RBFOX1: variants seen among roughly 807,000 people sequenced by gnomAD.
RBFOX1 encodes RNA binding fox-1 homolog 1.
In RBFOX1, 8 loss-of-function variants were observed where a neutral mutation model predicts 57.7. The ratio of observed to expected loss-of-function variants is 0.14; its 90% CI spans 0.08 to 0.25. The LOEUF is 0.25. Ranked by LOEUF, RBFOX1 falls within the 10% of genes least tolerant of loss-of-function variation. The pLI is 1.00. For missense variants in RBFOX1, 611 were observed against 548.5 expected (o/e 1.11, Z -1.14); for synonymous variants, 326 against 222.4 (o/e 1.47, Z -4.15).
At chr16:6,904,626 AAAG>A (rs1489770193) in intron 3 of RBFOX1, among the ~76,000 whole-genome samples, 63 of 149,648 alleles carry the variant, frequency 4.2e-4, no homozygotes, top group African/African-American at 1.5e-3. Context: ...AAAAAAAAAA[AAAG>A]AAGAAGAAGA....
At chr16:6,264,124 G>C (rs866149249) in intron 1 of RBFOX1, among the ~76,000 whole-genome samples, 43 of 152,208 alleles carry the variant, frequency 2.8e-4, no homozygotes, top group Admixed American at 9.8e-4. Context: ...TTCTTCTACT[G>C]CCTGCCCATT....
intron 2 of RBFOX1, among the ~76,000 whole-genome samples, chr16:5,576,356 C>T (rs187898746): frequency 5.4e-4 from 82 of 152,202 alleles, no homozygotes; most frequent in Non-Finnish European, 1.0e-3. Context: ...TCCTTTTCTC[C>T]TTCAGTCCCT....
Position 7,215,745 on chromosome 16 carries a change from G to C in RBFOX1, c.27+163647G>C, listed in dbSNP as rs188023128. On this transcript the variant is annotated intron_variant, in intron 4 of 15. Coordinates refer to ENST00000550418, the MANE Select transcript of RBFOX1 (RefSeq NM_018723.4). Reference sequence around the variant, plus strand: ...TCTGGATTTTTTTTTTTTTTTTTGAGACGGAGTCTTGCTCTGTTGTCCAGG... The same window carrying C: ...TCTGGATTTTTTTTTTTTTTTTTGACACGGAGTCTTGCTCTGTTGTCCAGG... 3.8e-3 allele frequency among the ~76,000 whole-genome samples: 351 copies of C among 91,196 alleles called. 1 individual carries two copies. The Middle Eastern group carries it at 0.041, about 11-fold the overall frequency. The allele number at this position is 91,196 out of a possible 152,430, so 59.8% of individuals were successfully genotyped here. A position where few individuals can be genotyped will look rare whatever the true frequency, so the allele number is the denominator to read the frequency against.
At chr16:6,898,059 C>G (rs2067403297) in intron 3 of RBFOX1, among the ~76,000 whole-genome samples, 1 of 152,158 alleles carries the variant, frequency 6.6e-6, no homozygotes, top group Non-Finnish European at 1.5e-5. Flanking sequence ...TTATATAATG[C>G]CTGATACTTG....
Position 7,491,671 on chromosome 16 carries a change from C to T in RBFOX1, c.28-26476C>T, listed in dbSNP as rs574957453. Reference sequence around the variant, plus strand: ...TTTGAAACAGGGTCTTGCTCTGTCACCCAGGCTGGAGTGCAAGTACATGAT... The same window carrying T: ...TTTGAAACAGGGTCTTGCTCTGTCATCCAGGCTGGAGTGCAAGTACATGAT... On this transcript the variant is annotated intron_variant, in intron 4 of 15. Coordinates refer to ENST00000550418, the MANE Select transcript of RBFOX1 (RefSeq NM_018723.4). Among the ~76,000 whole-genome samples, 157 of 152,166 alleles carry T rather than the reference C, an allele frequency of 1.0e-3. 1 individual carries two copies. Among genetic ancestry groups the T allele is most frequent in the African/African-American group, 3.5e-3 (145 of 41,514 alleles).
intron 2 of RBFOX1, among the ~76,000 whole-genome samples, chr16:6,503,332 T>C (rs2095994234): frequency 6.6e-6 from 1 of 152,252 alleles, no homozygotes; most frequent in Admixed American, 6.5e-5. Flanking sequence ...AAGGAGATTG[T>C]AGAAGCCTGG....
chr16:7,653,399 G>A (rs2065522647), intron 11 of RBFOX1, among the ~76,000 whole-genome samples: 1 of 152,144 alleles, frequency 6.6e-6, no homozygotes, highest in Non-Finnish European at 1.5e-5. Flanking sequence ...CCAGCTACTT[G>A]GGAGGCTGAG....
intron 3 of RBFOX1, among the ~76,000 whole-genome samples, chr16:7,012,494 A>T (rs2093699106): frequency 6.6e-6 from 1 of 152,182 alleles, no homozygotes; most frequent in Non-Finnish European, 1.5e-5. Context: ...AAGCCATGTT[A>T]ATAACTGCCT....
chr16:5,796,557 C>G (rs2054885969), intron 3 of RBFOX1, among the ~76,000 whole-genome samples: 1 of 119,020 alleles, frequency 8.4e-6, no homozygotes, highest in Non-Finnish European at 1.7e-5. Context: ...CAGATGGTGT[C>G]TCCACACCCT....
intron 4 of RBFOX1, among the ~76,000 whole-genome samples, chr16:7,247,075 A>G (rs2094331804): frequency 6.6e-6 from 1 of 152,132 alleles, no homozygotes; most frequent in South Asian, 2.1e-4. Flanking sequence ...GGGGTCCTTG[A>G]TTTAGGCTGC....
In RBFOX1 at chr16:5,414,083, A is replaced by G. The variant is rs572099981; in HGVS notation, c.220-53133A>G. ...GTGGCCTCTTCTTTGGGGCTGTACAACACTCAATGATGAGATAAAGGGGAC... is the reference window on the plus strand; with the variant it reads ...GTGGCCTCTTCTTTGGGGCTGTACAGCACTCAATGATGAGATAAAGGGGAC... On this transcript the variant is annotated intron_variant, in intron 1 of 2. Transcript: ENST00000585867. Among the ~76,000 whole-genome samples the G allele has an allele frequency of 3.6e-4, 55 of 152,324 alleles. No homozygotes were observed. The South Asian group carries it at 0.011, about 29-fold the overall frequency.
chr16:7,343,731 G>A (rs993345299), intron 4 of RBFOX1, among the ~76,000 whole-genome samples: 1 of 152,114 alleles, frequency 6.6e-6, no homozygotes, highest in African/African-American at 2.4e-5. Context: ...GTGAGCTCTA[G>A]AGCAGACTGC....
chr16:5,384,694 A>T (rs1206781708), intron 1 of RBFOX1, among the ~76,000 whole-genome samples: 1 of 152,236 alleles, frequency 6.6e-6, no homozygotes, highest in Non-Finnish European at 1.5e-5. Flanking sequence ...GGTCACAGGA[A>T]AATAGCTTCA....
chr16:5,625,698 C>T (rs1054263731), intron 3 of RBFOX1, among the ~76,000 whole-genome samples: 1 of 151,540 alleles, frequency 6.6e-6, no homozygotes, highest in African/African-American at 2.4e-5. Context: ...GCTGGGACTA[C>T]AGGTGCCCAC....
At chr16:6,969,016 A>G (rs2084920055) in intron 3 of RBFOX1, among the ~76,000 whole-genome samples, 1 of 151,916 alleles carries the variant, frequency 6.6e-6, no homozygotes, top group African/African-American at 2.4e-5. Flanking sequence ...GAATGTTAGA[A>G]TCTCCCACTT....
intron 4 of RBFOX1, among the ~76,000 whole-genome samples, chr16:5,882,727 C>G (rs972656354): frequency 1.3e-5 from 2 of 152,142 alleles, no homozygotes; most frequent in Non-Finnish European, 2.9e-5. Flanking sequence ...GCCCCATGTG[C>G]CAGTGTTGTC....
At chr16:6,005,168 G>T (rs554740956) in intron 4 of RBFOX1, among the ~76,000 whole-genome samples, 12 of 152,292 alleles carry the variant, frequency 7.9e-5, no homozygotes, top group African/African-American at 2.6e-4. Context: ...AAAGTCACAT[G>T]ACTTCAAATG....
intron 1 of RBFOX1, among the ~76,000 whole-genome samples, chr16:6,264,746 T>C: frequency 6.6e-6 from 1 of 152,198 alleles, no homozygotes; most frequent in East Asian, 1.9e-4. Context: ...TGCTCAGCTC[T>C]TTTTTGCAGC....
chr16:5,327,574 C>A (rs1329148305), intron 1 of RBFOX1, among the ~76,000 whole-genome samples: 1 of 152,102 alleles, frequency 6.6e-6, no homozygotes. Context: ...GAGAGAAACG[C>A]CCCAATCTGC....
Sources: allele counts gnomAD v4.1 joint callset (sites outside exome capture counted in the v4.1 genomes callset), GRCh38; gene constraint gnomAD v4.1.1; transcripts MANE v1.5; gene names NCBI Gene and HGNC (gene_info 2026-07-23, HGNC 2026-07-21).